SEC16A: variants seen among roughly 807,000 people sequenced by gnomAD.
SEC16A encodes the protein protein transport protein Sec16A.
A neutral mutation model predicts 221.9 loss-of-function variants in SEC16A; 110 were observed. The ratio of observed to expected loss-of-function variants is 0.50; its 90% CI spans 0.42 to 0.58. The LOEUF is 0.58. Among genes scored for constraint, SEC16A ranks in the 20% least tolerant of loss-of-function variants. SEC16A has a pLI of 0.00. For missense variants in SEC16A, 3,165 were observed against 3,097.8 expected, an observed-to-expected ratio of 1.02 and a Z score of -0.52; for synonymous variants, 1,393 against 1,257.7, an observed-to-expected ratio of 1.11 and a Z score of -2.28.
chr9:136,444,658 G>A (rs1836691486), intron 30 of SEC16A, among the ~76,000 whole-genome samples: 2 of 152,038 alleles, frequency 1.3e-5, no homozygotes, highest in Admixed American at 6.6e-5. Flanking sequence ...AGGCTGAGGC[G>A]GGCGGATCAC....
upstream of SEC16A, chr9:136,483,047 G>A (rs12002854): frequency 0.26 from 252,214 of 982,682 alleles, 33,817 homozygotes; most frequent in Non-Finnish European, 0.27. Context: ...ATCCGGCTCG[G>A]GTCTCCGCGG....
Position 136,450,742 on chromosome 9 carries a change from A to G in SEC16A, c.6312+514T>C, listed in dbSNP as rs141019695. ...CTTGGGGCAACCAACCATTTAGGAC[A>G]ACTGCTCAGCAGTGTCTCCTAAAGC... On this transcript the variant is annotated intron_variant, in intron 23 of 31. Coordinates refer to ENST00000684901, the MANE Select transcript of SEC16A (RefSeq NM_014866.2). 4.3e-3 allele frequency among the ~76,000 whole-genome samples: 662 copies of G among 152,278 alleles called. 2 individuals are homozygous for G. The highest frequency in any genetic ancestry group is 6.6e-3 in the Non-Finnish European group (446 of 68,012).
At chr9:136,470,816 G>A (rs1230090047) in intron 4 of SEC16A, among the ~76,000 whole-genome samples, 2 of 152,228 alleles carry the variant, frequency 1.3e-5, no homozygotes, top group African/African-American at 2.4e-5. Context: ...CTTCATTAAT[G>A]AGTAGCTTTT....
intron 3 of SEC16A, among the ~76,000 whole-genome samples, chr9:136,473,157 C>T (rs988638607): frequency 3.3e-5 from 5 of 152,264 alleles, no homozygotes; most frequent in Admixed American, 6.5e-5. Flanking sequence ...CAGCAAGCCA[C>T]GGCAGCCTTG....
In SEC16A at chr9:136,466,048, C is replaced by T. The variant is rs1444583609; in HGVS notation, c.4217G>A (p.Gly1406Asp). Residue 1406 changes from glycine (G) to aspartate (D), a missense_variant, in exon 8 of 32, where the codon GGC (glycine) becomes GAC (aspartate). Physicochemically the swap from Gly to Asp is moderately conservative, Grantham distance 94. Coordinates refer to ENST00000684901, the MANE Select transcript of SEC16A (RefSeq NM_014866.2). The surrounding 1 kb of genome is among the most constrained non-coding windows in gnomAD (Gnocchi z 5.5). ...PGSFHGDFAY[G>D]TYRSNFSSGP... ...ACTGCTGAAATTGCTGCGGTAGGTG[C>T]CGTAGGCAAAATCGCCGTGAAAGGA... is the stretch of plus-strand genomic sequence containing the variant. 2 of 1,613,456 alleles carry T rather than the reference C, an allele frequency of 1.2e-6. No homozygotes were observed. The highest frequency in any genetic ancestry group is 2.2e-5 in the East Asian group (1 of 44,876).
chr9:136,469,095 C>A (rs1840531985), intron 4 of SEC16A, among the ~76,000 whole-genome samples: 1 of 152,134 alleles, frequency 6.6e-6, no homozygotes, highest in East Asian at 1.9e-4. Flanking sequence ...AGCGATCCAC[C>A]CACCTCAGCC....
chr9:136,451,428 A>T lies in SEC16A; in HGVS notation c.6160-20T>A. On this transcript the variant is annotated intron_variant, in intron 22 of 31. Coordinates refer to ENST00000684901, the MANE Select transcript of SEC16A (RefSeq NM_014866.2). ...GGGGGTCTGTCGCAAGGAAATGCAG[A>T]ACAGGCTCTCCTGGGGCTCCTCACA... 1.9e-6 allele frequency: 3 copies of T among 1,574,602 alleles called. No individual in the cohort carries two copies. The highest frequency in any genetic ancestry group is 2.6e-6 in the Non-Finnish European group (3 of 1,163,434).
At chr9:136,451,466 G>A in intron 22 of SEC16A, 58 bp from the exon 23 acceptor site, 4 of 1,521,544 alleles carry the variant, frequency 2.6e-6, no homozygotes, top group Non-Finnish European at 3.5e-6. Flanking sequence ...AACCGAAAGA[G>A]AGAGGGGGAT....
chr9:136,445,613 C>T, intron 29 of SEC16A, 32 bp downstream of exon 29: 2 of 1,517,322 alleles, frequency 1.3e-6, no homozygotes, highest in Admixed American at 2.0e-5. Flanking sequence ...GAGGCCTGGG[C>T]TGCGGGGGGC....
chr9:136,476,459 T>A lies in SEC16A; in HGVS notation c.1157A>T (p.Asn386Ile), dbSNP rs759083618. The A allele has an allele frequency of 5.6e-6, 9 of 1,613,096 alleles. No homozygotes were observed. The East Asian group carries it at 1.6e-4, about 28-fold the overall frequency. The change falls in exon 3 of 32, where the codon AAT becomes ATT. Residue 386 changes from asparagine to isoleucine, a missense_variant. By Grantham distance (149) the Asn-to-Ile change is moderately radical. Around this residue, in one of 3 missense-constraint regions of SEC16A, gnomAD observed 2,030 missense variants for 1,923.1 expected, o/e 1.06. Transcript: ENST00000684901. ...TAAGCCTGCTTTTTCAGATGAGAGA[T>A]TCTCCTCATTTTCTGTCTCTCCCCC... ...FQGGETENEENLSSEKAGLSG... is the reference protein window; with the variant it reads ...FQGGETENEEILSSEKAGLSG...
chr9:136,476,795 G>T lies in SEC16A; in HGVS notation c.821C>A (p.Ala274Asp). 1 of 1,611,548 alleles carries T rather than the reference G, an allele frequency of 6.2e-7. No individual in the cohort carries two copies. Among genetic ancestry groups the T allele is most frequent in the Non-Finnish European group, 8.5e-7 (1 of 1,178,288 alleles). Reference sequence around the variant, plus strand: ...CTCGTCTCTTCCGTCACTGGGCAAGGCTGCTGGGGGAGCCACCAGAGGGCT... The same window carrying T: ...CTCGTCTCTTCCGTCACTGGGCAAGTCTGCTGGGGGAGCCACCAGAGGGCT... ...QHSPLVAPPA[A>D]LPSDGRDEVS... is the part of the protein sequence containing the mutation. Residue 274 changes from alanine to aspartate, a missense_variant, in exon 3 of 32, where the codon GCC (alanine) becomes GAC (aspartate). By Grantham distance (126) the Ala-to-Asp change is moderately radical. This residue lies in a region of SEC16A where 2,030 missense variants were observed against 1,923.1 expected (regional missense o/e 1.06). Coordinates refer to ENST00000684901, the MANE Select transcript of SEC16A (RefSeq NM_014866.2).
At chr9:136,473,997 C>T (rs1841260347) in intron 3 of SEC16A, 52 bp downstream of exon 3, 1 of 1,535,028 alleles carries the variant, frequency 6.5e-7, no homozygotes, top group African/African-American at 1.4e-5. Context: ...TGAGACTCAA[C>T]TGGTCAAAGC....
At chr9:136,477,712 T>C in intron 2 of SEC16A, 28 bp from the exon 3 acceptor site, 5 of 1,436,702 alleles carry the variant, frequency 3.5e-6, no homozygotes, top group South Asian at 1.5e-5. Flanking sequence ...AAAATCAGCA[T>C]AAAATCCATA....
In SEC16A at chr9:136,448,170, A is replaced by T. The variant is rs1461639625; in HGVS notation, c.6313-9T>A. 1 of 1,608,586 alleles carries T rather than the reference A, an allele frequency of 6.2e-7. No homozygotes were observed. Among genetic ancestry groups the T allele is most frequent in the East Asian group, 2.2e-5 (1 of 44,860 alleles). ...AAGAACCAGGATTCACCCTAAATATAAAAAACACGAGAACAACTTTGAAAA... is the reference window on the plus strand; with the variant it reads ...AAGAACCAGGATTCACCCTAAATATTAAAAACACGAGAACAACTTTGAAAA... On this transcript the variant is annotated splice_polypyrimidine_tract_variant and intron_variant, in intron 23 of 31. Coordinates refer to ENST00000684901, the MANE Select transcript of SEC16A (RefSeq NM_014866.2).
At chr9:136,446,704 G>C in intron 28 of SEC16A, 151 bp downstream of exon 28, 1 of 720,942 alleles carries the variant, frequency 1.4e-6, no homozygotes, top group Non-Finnish European at 2.1e-6. Context: ...TCTACCTTCC[G>C]TCTCTACCAT....
Position 136,455,596 on chromosome 9 carries a change from CT to C in SEC16A, c.5857+4del, listed in dbSNP as rs1407735955. 6 of 1,552,656 alleles carry C rather than the reference CT, an allele frequency of 3.9e-6. No individual in the cohort carries two copies. Among genetic ancestry groups the C allele is most frequent in the Non-Finnish European group, 4.3e-6 (5 of 1,151,850 alleles). On this transcript the variant is annotated splice_donor_region_variant and intron_variant, in intron 20 of 31. Coordinates refer to ENST00000684901, the MANE Select transcript of SEC16A (RefSeq NM_014866.2). ...TGAGGGCAGCAGCCGCGCACCTGGG[CT>C]CACCTGAGGGCAGCAGCCGCACGCT...
chr9:136,474,430 C>T lies in SEC16A; in HGVS notation c.3186G>A (p.Val1062=), dbSNP rs775662301. 1.2e-6 allele frequency: 2 copies of T among 1,613,076 alleles called. No individual in the cohort carries two copies. The highest frequency in any genetic ancestry group is 1.7e-6 in the Non-Finnish European group (2 of 1,179,902). ...PGLERAQQEL[V]PPQQQASPPQ... ...GGGGAGAAGCCTGTTGCTGGGGTGGCACCAGCTCCTGCTGGGCTCTTTCGA... is the reference window on the plus strand; with the variant it reads ...GGGGAGAAGCCTGTTGCTGGGGTGGTACCAGCTCCTGCTGGGCTCTTTCGA... The change falls in exon 3 of 32, where the codon GTG becomes GTA. Residue 1062 remains valine (V), a synonymous_variant. Coordinates refer to ENST00000684901, the MANE Select transcript of SEC16A (RefSeq NM_014866.2).
At chr9:136,460,178 G>C in intron 13 of SEC16A, 55 bp from the exon 14 acceptor site, 1 of 1,456,136 alleles carries the variant, frequency 6.9e-7, no homozygotes, top group South Asian at 1.2e-5. Flanking sequence ...AAAGAAAAAA[G>C]CCGGCCGGAC....
intron 17 of SEC16A, among the ~76,000 whole-genome samples, chr9:136,458,900 T>C (rs949105943): frequency 2.0e-5 from 3 of 151,922 alleles, no homozygotes; most frequent in Non-Finnish European, 4.4e-5. Context: ...AGACCCTGTC[T>C]CCCTTAAAAA....
Sources: gnomAD v4.1 joint callset for allele counts (sites outside exome capture counted in the v4.1 genomes callset) on GRCh38, gnomAD v4.1.1 for gene constraint, gnomAD v4.1.1 regional missense constraint, Gnocchi (gnomAD v3.1) non-coding constraint, MANE v1.5 for transcripts, NCBI Gene and HGNC (gene_info 2026-07-23, HGNC 2026-07-21) for gene names.